DAB1: variants seen among roughly 807,000 people sequenced by gnomAD.
DAB1 encodes DAB adaptor protein 1.
A neutral mutation model predicts 64.6 loss-of-function variants in DAB1; 15 were observed. The ratio of observed to expected loss-of-function variants is 0.23; its 90% CI spans 0.16 to 0.36. DAB1 has a LOEUF of 0.36. Among genes scored for constraint, DAB1 ranks in the 10% least tolerant of loss-of-function variants. DAB1 has a pLI of 1.00. For missense variants in DAB1, 596 were observed against 706.7 expected, an observed-to-expected ratio of 0.84 and a Z score of 1.78; for synonymous variants, 235 against 251.9, an observed-to-expected ratio of 0.93 and a Z score of 0.64.
At chr1:57,287,921 G>A (rs1023433475) in intron 2 of DAB1, among the ~76,000 whole-genome samples, 16 of 151,894 alleles carry the variant, frequency 1.1e-4, no homozygotes, top group East Asian at 7.8e-4. Flanking sequence ...TCAGCCTCCC[G>A]AGTAGCTGGG....
chr1:57,914,513 T>G (rs1388243354), intron 5 of DAB1, among the ~76,000 whole-genome samples: 1 of 152,080 alleles, frequency 6.6e-6, no homozygotes, highest in Non-Finnish European at 1.5e-5. Flanking sequence ...ATGGCACATG[T>G]ATACATATGT....
chr1:58,239,685 G>C (rs564863151), intron 4 of DAB1, among the ~76,000 whole-genome samples: 9 of 152,074 alleles, frequency 5.9e-5, no homozygotes, highest in African/African-American at 2.2e-4. Context: ...ATTTGCAGGG[G>C]GCTGATTTTC....
intron 1 of DAB1, among the ~76,000 whole-genome samples, chr1:57,421,735 A>G (rs144033021): frequency 0.011 from 1,641 of 152,158 alleles, 28 homozygotes; most frequent in African/African-American, 0.038. Flanking sequence ...TGGGGTTTCA[A>G]TCAAGGACAT....
At chr1:58,345,261 C>A (rs971296551) in intron 3 of DAB1, among the ~76,000 whole-genome samples, 1 of 152,158 alleles carries the variant, frequency 6.6e-6, no homozygotes, top group African/African-American at 2.4e-5. Context: ...CCAGCTGAAT[C>A]AAAATCAACT....
intron 6 of DAB1, among the ~76,000 whole-genome samples, chr1:57,716,094 G>C (rs796566757): frequency 2.6e-5 from 4 of 152,210 alleles, no homozygotes; most frequent in African/African-American, 9.6e-5. Flanking sequence ...ATTTTTAGTA[G>C]AGATGGGGTT....
chr1:57,779,030 T>A (rs1026374704), intron 6 of DAB1, among the ~76,000 whole-genome samples: 1 of 151,904 alleles, frequency 6.6e-6, no homozygotes, highest in Non-Finnish European at 1.5e-5. Flanking sequence ...CCTGCCTACC[T>A]CGAGTCTACC....
At chr1:57,434,163 C>T (rs542797470) in intron 7 of DAB1, among the ~76,000 whole-genome samples, 3 of 152,126 alleles carry the variant, frequency 2.0e-5, no homozygotes, top group Non-Finnish European at 4.4e-5. Flanking sequence ...AGAAATAAAA[C>T]ATATATACAC....
rs745340919 is a variant in DAB1 at position 57,071,630 on chromosome 1, A to G, written c.450T>C (p.Val150=). Residue 150 remains valine, a synonymous_variant, in exon 6 of 15, where the codon GTT becomes GTC. Transcript: ENST00000371236. ...GAAAGAGATCTCTCAAGTCCAGAAT[A>G]ACAGGTTCAGCCTGGGATGAAAGGT... ...AIKTAQAAEP[V]ILDLRDLFQL... is the part of the protein sequence containing the mutation. The G allele has an allele frequency of 6.2e-7, 1 of 1,613,400 alleles. No homozygotes were observed. The highest frequency in any genetic ancestry group is 8.5e-7 in the Non-Finnish European group (1 of 1,179,846).
At chr1:57,638,269 T>C (rs1393030742) in intron 7 of DAB1, among the ~76,000 whole-genome samples, 2 of 152,218 alleles carry the variant, frequency 1.3e-5, no homozygotes, top group Non-Finnish European at 2.9e-5. Context: ...TTACTTTTCA[T>C]TAATAAAAAC....
At chr1:57,210,106 G>A (rs901862533) in intron 2 of DAB1, among the ~76,000 whole-genome samples, 2 of 152,158 alleles carry the variant, frequency 1.3e-5, no homozygotes, top group African/African-American at 4.8e-5. Context: ...TAAATGGGAA[G>A]GCAGAAAAAT....
intron 1 of DAB1, chr1:58,536,395 T>A: frequency 1.6e-6 from 1 of 628,136 alleles, no homozygotes; most frequent in Non-Finnish European, 2.8e-6. Context: ...GAAAAAAAAA[T>A]GCTAATTTCA....
At chr1:57,160,660 A>G (rs1660658952) in intron 2 of DAB1, among the ~76,000 whole-genome samples, 1 of 152,230 alleles carries the variant, frequency 6.6e-6, no homozygotes, top group Non-Finnish European at 1.5e-5. Context: ...TCAAAGGTGA[A>G]GAGGACCAGG....
chr1:57,754,697 CAAACAAACAAACA>C (rs1416705478), intron 6 of DAB1, among the ~76,000 whole-genome samples: 2 of 150,656 alleles, frequency 1.3e-5, no homozygotes, highest in Non-Finnish European at 2.9e-5. Flanking sequence ...CTAAAATAAA[CAAACAAACAAACA>C]AAACAAACAA....
At chr1:58,063,603 G>T (rs556242048) in intron 5 of DAB1, among the ~76,000 whole-genome samples, 1 of 152,180 alleles carries the variant, frequency 6.6e-6, no homozygotes, top group Non-Finnish European at 1.5e-5. Context: ...AGAGATCTTG[G>T]CCAAGCAACT....
At chr1:57,239,264 T>C (rs1049642621) in intron 2 of DAB1, among the ~76,000 whole-genome samples, 7 of 152,184 alleles carry the variant, frequency 4.6e-5, no homozygotes, top group Non-Finnish European at 1.0e-4. Context: ...GAATCCACCA[T>C]TTGCCACAGT....
At chr1:58,088,145 A>T (rs1272844139) in intron 5 of DAB1, among the ~76,000 whole-genome samples, 1 of 152,252 alleles carries the variant, frequency 6.6e-6, no homozygotes, top group Non-Finnish European at 1.5e-5. Context: ...AGTTTAAAAT[A>T]GGGAACACAA....
In DAB1 at chr1:58,085,699, T is replaced by A. The variant is rs74503098; in HGVS notation, n.387+64812A>T. 6.0e-3 allele frequency among the ~76,000 whole-genome samples: 890 copies of A among 149,246 alleles called. 16 individuals carry two copies. The highest frequency in any genetic ancestry group is 0.056 in the East Asian group (286 of 5,080). On this transcript the variant is annotated intron_variant and non_coding_transcript_variant, in intron 5 of 20. Coordinates refer to the DAB1 transcript ENST00000485760. ...TTTTTTAAATACAATCAGTCTCTTTTAAAAAAAAAAGTATTAAAATCTCTC... is the reference window on the plus strand; with the variant it reads ...TTTTTTAAATACAATCAGTCTCTTTAAAAAAAAAAAGTATTAAAATCTCTC...
At chr1:57,716,343 T>G (rs1647083777) in intron 6 of DAB1, among the ~76,000 whole-genome samples, 1 of 152,208 alleles carries the variant, frequency 6.6e-6, no homozygotes, top group African/African-American at 2.4e-5. Flanking sequence ...CAAAATATAT[T>G]ACAAAACTAT....
At chr1:57,672,690 G>C (rs1646522542) in intron 6 of DAB1, among the ~76,000 whole-genome samples, 1 of 152,054 alleles carries the variant, frequency 6.6e-6, no homozygotes. Context: ...TTTTATTTTG[G>C]AATAATATCT....
Sources: gnomAD v4.1 joint callset for allele counts (sites outside exome capture counted in the v4.1 genomes callset) on GRCh38, gnomAD v4.1.1 for gene constraint, MANE v1.5 for transcripts, NCBI Gene and HGNC (gene_info 2026-07-23, HGNC 2026-07-21) for gene names.